MED13L: variants seen among roughly 807,000 people sequenced by gnomAD.
MED13L encodes mediator of RNA polymerase II transcription subunit 13-like.
In MED13L, 7 loss-of-function variants were observed where a neutral mutation model predicts 220.9. That is an observed-to-expected ratio of 0.03 (90% CI 0.02 to 0.06). The LOEUF is 0.06. Among genes scored for constraint, MED13L ranks in the 10% least tolerant of loss-of-function variants. The pLI is 1.00. For missense variants in MED13L, 1,965 were observed against 2,760.5 expected, an observed-to-expected ratio of 0.71 and a Z score of 6.46; for synonymous variants, 1,011 against 1,015.2, an observed-to-expected ratio of 1.00 and a Z score of 0.08.
intron 1 of MED13L, among the ~76,000 whole-genome samples, chr12:116,244,767 C>T (rs1297599617): frequency 6.6e-6 from 1 of 152,124 alleles, no homozygotes; most frequent in Non-Finnish European, 1.5e-5. Flanking sequence ...GCCTAAGCAA[C>T]ATAGTGAGAC....
chr12:116,204,599 G>A (rs1035529225), intron 2 of MED13L, among the ~76,000 whole-genome samples: 2 of 152,078 alleles, frequency 1.3e-5, no homozygotes, highest in African/African-American at 4.8e-5. Flanking sequence ...ATAATGCCTT[G>A]TCTCATTCCC....
chr12:115,991,213 G>C lies in MED13L; in HGVS notation c.3741C>G (p.Ser1247=), dbSNP rs755712233. Residue 1247 remains serine, a synonymous_variant, in exon 17 of 31, where the codon TCC becomes TCG. Transcript: ENST00000281928. This position sits in a 1 kb window ranked among gnomAD's most constrained non-coding sequence, Gnocchi z 7.7. ...AGGGAAGAGTTTGGCGATTGTTAGA[G>C]GAAATGTAGTCCAGGAAATTCAGTG... The part of the protein sequence containing the change: ...FASLNFLDYI[S]SNNRQTLPCV... The C allele has an allele frequency of 3.7e-6, 6 of 1,614,210 alleles. No individual in the cohort carries two copies. In the South Asian group the frequency reaches 6.6e-5, roughly 18 times the overall value.
At chr12:116,107,815 G>A (rs1277206535) in intron 3 of MED13L, among the ~76,000 whole-genome samples, 1 of 152,210 alleles carries the variant, frequency 6.6e-6, no homozygotes, top group Non-Finnish European at 1.5e-5. Flanking sequence ...AGTTGGGCCG[G>A]GCGCCGTGGC....
intron 2 of MED13L, among the ~76,000 whole-genome samples, chr12:116,139,537 A>T (rs1311734951): frequency 6.6e-6 from 1 of 152,198 alleles, no homozygotes; most frequent in Admixed American, 6.5e-5. Context: ...TTTAAGAAAA[A>T]GGATAAATGA....
At chr12:116,081,709 A>G (rs1871250493) in intron 4 of MED13L, among the ~76,000 whole-genome samples, 1 of 152,214 alleles carries the variant, frequency 6.6e-6, no homozygotes, top group Non-Finnish European at 1.5e-5. Context: ...TCTACAAAAA[A>G]TACAAAAATT....
chr12:115,961,198 T>C lies in MED13L; in HGVS notation c.*68A>G. On this transcript the variant is annotated 3_prime_UTR_variant, in exon 31 of 31. Transcript: ENST00000281928. Reference sequence around the variant, plus strand: ...AAGGATGTGGGTTATTTGCAGAGTGTAGCAGGTTCCTTGGACTGAGGTTGC... The same window carrying C: ...AAGGATGTGGGTTATTTGCAGAGTGCAGCAGGTTCCTTGGACTGAGGTTGC... The C allele has an allele frequency of 6.3e-7, 1 of 1,583,838 alleles. No individual in the cohort carries two copies. The highest frequency in any genetic ancestry group is 8.7e-7 in the Non-Finnish European group (1 of 1,153,210).
chr12:116,073,144 G>A lies in MED13L; in HGVS notation c.479+23525C>T, dbSNP rs189796081. ...AAGAATGTGACTTCTGTTTCTCAAC[G>A]TGCAGTCTCTTACACTGCCTAATTC... On this transcript the variant is annotated intron_variant, in intron 4 of 30. Transcript: ENST00000281928. Among the ~76,000 whole-genome samples the A allele has an allele frequency of 4.6e-5, 7 of 152,110 alleles. No homozygotes were observed. In the East Asian group the frequency reaches 1.4e-3, roughly 29 times the overall value.
At chr12:115,972,419 T>C (rs1157726858) in intron 25 of MED13L, 183 bp from the exon 26 acceptor site, 2 of 702,072 alleles carry the variant, frequency 2.8e-6, no homozygotes. Flanking sequence ...TTACACTTCA[T>C]TAACAAAGGA....
At chr12:116,183,806 GTGTGTGTGTGTGTA>G (rs751255739) in intron 2 of MED13L, among the ~76,000 whole-genome samples, 16 of 93,154 alleles carry the variant, frequency 1.7e-4, no homozygotes, top group Middle Eastern at 6.3e-3. Flanking sequence ...AAAAAATGGT[GTGTGTGTGTGTGTA>G]TGTGTGTGTG....
chr12:116,130,698 T>C (rs996949369), intron 2 of MED13L, among the ~76,000 whole-genome samples: 8 of 152,206 alleles, frequency 5.3e-5, no homozygotes, highest in East Asian at 3.8e-4. Flanking sequence ...GTATGGGGAC[T>C]GATAATTTAG....
At chr12:116,017,033 T>C (rs1358497014) in intron 7 of MED13L, among the ~76,000 whole-genome samples, 1 of 152,222 alleles carries the variant, frequency 6.6e-6, no homozygotes, top group Non-Finnish European at 1.5e-5. Flanking sequence ...TCCTAACCTG[T>C]AATTCAACAT....
chr12:116,041,028 C>A (rs2137542063), intron 4 of MED13L, among the ~76,000 whole-genome samples: 1 of 152,230 alleles, frequency 6.6e-6, no homozygotes, highest in South Asian at 2.1e-4. Flanking sequence ...TGAACACGTG[C>A]TCCATACATC....
Position 116,089,320 on chromosome 12 carries a change from C to T in MED13L, c.479+7349G>A, listed in dbSNP as rs188489972. Among the ~76,000 whole-genome samples, 156 of 152,248 alleles carry T rather than the reference C, an allele frequency of 1.0e-3. 2 individuals carry two copies. The highest frequency in any genetic ancestry group is 3.7e-3 in the African/African-American group (153 of 41,562). ...CAATCCTCCTGCCTCAGTCTCTCAA[C>T]TAGCTAGGACTATATGCATATGCCA... On this transcript the variant is annotated intron_variant, in intron 4 of 30. Coordinates refer to ENST00000281928, the MANE Select transcript of MED13L (RefSeq NM_015335.5).
rs139006497 is a variant in MED13L at position 116,181,293 on chromosome 12, T to TA, written c.310+56174dup. ...GTACACATCCTTTATAAATCATCTT[T>TA]AAAAAAAAAAAAGTCGGCAATCCAA... is the stretch of plus-strand genomic sequence containing the variant. On this transcript the variant is annotated intron_variant, in intron 2 of 30. Transcript: ENST00000281928. 3.1e-3 allele frequency: 453 copies of TA among 144,318 alleles called. 6 individuals are homozygous for TA. The highest frequency in any genetic ancestry group is 3.5e-3 in the Middle Eastern group (1 of 282). 8.9% of individuals were successfully genotyped at this position (144,318 alleles called of 1,614,324 possible).
chr12:116,179,091 G>A (rs1164678022), intron 2 of MED13L, among the ~76,000 whole-genome samples: 1 of 152,100 alleles, frequency 6.6e-6, no homozygotes, highest in Non-Finnish European at 1.5e-5. Flanking sequence ...AGTGAAAGCA[G>A]CATAGTTATT....
Position 116,007,681 on chromosome 12 carries a change from A to G in MED13L, c.2013-45T>C, listed in dbSNP as rs774788667. The G allele has an allele frequency of 4.0e-5, 60 of 1,514,082 alleles. No homozygotes were observed. In the Admixed American group the frequency reaches 1.1e-3, roughly 29 times the overall value. The allele number at this position is 1,514,082 out of a possible 1,614,324, so 93.8% of individuals were successfully genotyped here. ...AAAAAAAAAAGAGCATTTATGCCTT[A>G]AAGCATTTACAAAGTTTAAACTTTT... On this transcript the variant is annotated intron_variant, in intron 10 of 30. Coordinates refer to ENST00000281928, the MANE Select transcript of MED13L (RefSeq NM_015335.5).
chr12:116,183,146 C>A (rs1223304304), intron 2 of MED13L, among the ~76,000 whole-genome samples: 1 of 152,024 alleles, frequency 6.6e-6, no homozygotes, highest in Non-Finnish European at 1.5e-5. Context: ...TTGAAAACAA[C>A]GGGAGTCCAG....
At chr12:116,208,391 C>A (rs537000837) in intron 2 of MED13L, among the ~76,000 whole-genome samples, 2 of 150,466 alleles carry the variant, frequency 1.3e-5, no homozygotes, top group Admixed American at 6.7e-5. Context: ...AGCAAAACTC[C>A]GTCTCAAAAC....
intron 1 of MED13L, among the ~76,000 whole-genome samples, chr12:116,262,802 T>C (rs80249883): frequency 1.2e-3 from 182 of 152,348 alleles, no homozygotes; most frequent in African/African-American, 4.1e-3. Context: ...GATTCAAGAA[T>C]AGCACCATCT....
Sources: gnomAD v4.1 joint callset for allele counts (sites outside exome capture counted in the v4.1 genomes callset) on GRCh38, gnomAD v4.1.1 for gene constraint, Gnocchi (gnomAD v3.1) non-coding constraint, MANE v1.5 for transcripts, NCBI Gene and HGNC (gene_info 2026-07-23, HGNC 2026-07-21) for gene names.